RAB22A: variants seen among roughly 807,000 people sequenced by gnomAD.
RAB22A encodes RAB22A, member RAS oncogene family.
A neutral mutation model predicts 30.2 loss-of-function variants in RAB22A; 13 were observed. The ratio of observed to expected loss-of-function variants is 0.43; its 90% CI spans 0.28 to 0.68. RAB22A has a LOEUF of 0.68. Ranked by LOEUF, RAB22A falls within the 30% of genes least tolerant of loss-of-function variation. The pLI is 0.18. For missense variants in RAB22A, 177 were observed against 246.8 expected (o/e 0.72, Z 1.89); for synonymous variants, 89 against 87.2 (o/e 1.02, Z -0.11).
chr20:58,316,956 C>G (rs1986352682), intron 2 of RAB22A, among the ~76,000 whole-genome samples: 1 of 152,190 alleles, frequency 6.6e-6, no homozygotes, highest in African/African-American at 2.4e-5. Flanking sequence ...CAAGCCACCT[C>G]CCAAATATCC....
Position 58,328,574 on chromosome 20 carries a change from A to G in RAB22A, c.117-15144A>G, listed in dbSNP as rs150710530. ...TTTACTGTATTTCCCGCCGCCCCCC[A>G]CAATGTCATTTAAAGACAACTGGCT... is the stretch of plus-strand genomic sequence containing the variant. On this transcript the variant is annotated intron_variant, in intron 2 of 6. Coordinates refer to ENST00000244040, the MANE Select transcript of RAB22A (RefSeq NM_020673.3). 2.8e-4 allele frequency among the ~76,000 whole-genome samples: 43 copies of G among 152,220 alleles called. No homozygotes were observed. In the East Asian group the frequency reaches 7.7e-3, roughly 27 times the overall value.
chr20:58,343,146 G>A (rs1479289657), intron 2 of RAB22A, among the ~76,000 whole-genome samples: 2 of 152,168 alleles, frequency 1.3e-5, no homozygotes, highest in African/African-American at 2.4e-5. Flanking sequence ...ATGAAATGCA[G>A]GTGGTCGTCA....
intron 3 of RAB22A, among the ~76,000 whole-genome samples, chr20:58,344,772 G>C (rs1986917533): frequency 6.6e-6 from 1 of 152,160 alleles, no homozygotes. Flanking sequence ...CAGACAAATG[G>C]AGGAAAACAA....
At chr20:58,356,614 C>G (rs1987133407) in intron 6 of RAB22A, among the ~76,000 whole-genome samples, 1 of 152,198 alleles carries the variant, frequency 6.6e-6, no homozygotes, top group Admixed American at 6.5e-5. Context: ...GCTTGGCACT[C>G]TGGTTGGGAC....
intron 1 of RAB22A, 80 bp downstream of exon 1, chr20:58,310,092 C>T (rs1228860781): frequency 2.6e-6 from 3 of 1,169,394 alleles, no homozygotes; most frequent in East Asian, 3.4e-5. Flanking sequence ...GTCCCCTCAT[C>T]CCTTCCCCCC....
At chr20:58,320,464 T>A (rs1986431874) in intron 2 of RAB22A, among the ~76,000 whole-genome samples, 1 of 152,230 alleles carries the variant, frequency 6.6e-6, no homozygotes, top group Non-Finnish European at 1.5e-5. Context: ...TTGATAGTGC[T>A]GATTTGAGCC....
intron 3 of RAB22A, among the ~76,000 whole-genome samples, chr20:58,351,851 TTAAA>T (rs1385523967): frequency 6.6e-6 from 1 of 152,116 alleles, no homozygotes; most frequent in Non-Finnish European, 1.5e-5. Flanking sequence ...AGTAAATACA[TTAAA>T]TATAAAGGAG....
intron 2 of RAB22A, among the ~76,000 whole-genome samples, chr20:58,311,388 G>T (rs925650339): frequency 1.3e-5 from 2 of 152,144 alleles, no homozygotes; most frequent in African/African-American, 4.8e-5. Context: ...AGAAGCTTCG[G>T]TCTATAAATA....
chr20:58,333,061 C>T (rs1395599386), intron 2 of RAB22A, among the ~76,000 whole-genome samples: 3 of 151,858 alleles, frequency 2.0e-5, no homozygotes, highest in Admixed American at 6.6e-5. Flanking sequence ...AGTGGATCAC[C>T]TGAGGTCAGG....
intron 2 of RAB22A, among the ~76,000 whole-genome samples, chr20:58,313,639 C>G (rs1004546354): frequency 6.6e-6 from 1 of 152,180 alleles, no homozygotes; most frequent in East Asian, 1.9e-4. Context: ...ACCACCTTCC[C>G]CTGGTACCAG....
In RAB22A at chr20:58,354,183, C is replaced by T; in HGVS notation, c.405C>T (p.Asp135=). 1.2e-6 allele frequency: 2 copies of T among 1,613,660 alleles called. No homozygotes were observed. The highest frequency in any genetic ancestry group is 2.7e-5 in the African/African-American group (2 of 75,040). The change falls in exon 6 of 7, where the codon GAC becomes GAT. Residue 135 remains aspartate, a synonymous_variant. Transcript: ENST00000244040. ...VREVMERDAK[D]YADSIHAIFV... ...AAGTCATGGAGAGAGATGCAAAGGA[C>T]TACGCCGACTCTATTCATGCAATTT...
intron 3 of RAB22A, among the ~76,000 whole-genome samples, chr20:58,346,942 C>G (rs984864980): frequency 1.3e-5 from 2 of 152,186 alleles, no homozygotes; most frequent in Non-Finnish European, 2.9e-5. Flanking sequence ...GCCTTCATAT[C>G]TCTGCTCTCA....
intron 2 of RAB22A, among the ~76,000 whole-genome samples, chr20:58,338,300 A>G (rs909818234): frequency 2.0e-5 from 3 of 152,198 alleles, no homozygotes; most frequent in African/African-American, 4.8e-5. Context: ...TGCTGGGATT[A>G]CAGGCTTGAG....
chr20:58,331,914 ACTC>A (rs1293937857), intron 2 of RAB22A, among the ~76,000 whole-genome samples: 2 of 151,776 alleles, frequency 1.3e-5, no homozygotes, highest in Admixed American at 6.6e-5. Context: ...CTACCACTGA[ACTC>A]CTCTTTCTCC....
At chr20:58,344,785 C>T (rs1041214181) in intron 3 of RAB22A, among the ~76,000 whole-genome samples, 77 of 152,236 alleles carry the variant, frequency 5.1e-4, no homozygotes, top group Non-Finnish European at 9.1e-4. Context: ...GAAAACAAAA[C>T]AAGCCATTAC....
intron 2 of RAB22A, among the ~76,000 whole-genome samples, chr20:58,330,729 C>T (rs1241626744): frequency 2.0e-5 from 3 of 152,166 alleles, no homozygotes; most frequent in Admixed American, 1.3e-4. Context: ...ATATGGCCTA[C>T]CTCATTATCA....
At chr20:58,345,765 A>T (rs1294768576) in intron 3 of RAB22A, 2 of 152,222 alleles carry the variant, frequency 1.3e-5, no homozygotes, top group Non-Finnish European at 2.9e-5. Context: ...CTGCCCGTTT[A>T]TCCTGGGCAG....
chr20:58,316,283 A>G (rs866013475), intron 2 of RAB22A, among the ~76,000 whole-genome samples: 1 of 151,956 alleles, frequency 6.6e-6, no homozygotes, highest in African/African-American at 2.4e-5. Context: ...CCCCTCGTTC[A>G]TCTTCTTACC....
At chr20:58,317,077 T>C (rs751357797) in intron 2 of RAB22A, among the ~76,000 whole-genome samples, 3 of 152,198 alleles carry the variant, frequency 2.0e-5, no homozygotes, top group Non-Finnish European at 4.4e-5. Flanking sequence ...TGCTAGCTAG[T>C]TAACCCTGGG....
Sources: allele counts gnomAD v4.1 joint callset (sites outside exome capture counted in the v4.1 genomes callset), GRCh38; gene constraint gnomAD v4.1.1; transcripts MANE v1.5; gene names NCBI Gene and HGNC (gene_info 2026-07-23, HGNC 2026-07-21).